Variants in PRDM2 observed in about 807,000 individuals in gnomAD.
PRDM2 encodes the protein PR domain zinc finger protein 2.
Under a neutral mutation model 130.0 loss-of-function variants are expected in PRDM2, and 30 were observed. The ratio of observed to expected loss-of-function variants is 0.23; its 90% CI spans 0.17 to 0.31. The LOEUF (loss-of-function observed/expected upper bound fraction) is 0.31. PRDM2 is among the 10% of genes least tolerant of loss of function. PRDM2 has a pLI of 1.00. For synonymous variants in PRDM2, 871 were observed against 782.4 expected (o/e 1.11, Z -1.89); for missense variants, 2,011 against 2,108.4 (o/e 0.95, Z 0.90).
At position 13,782,508 on chromosome 1, in the gene PRDM2, C is replaced by T. The variant is rs966616836; in HGVS notation, c.4713C>T (p.Ser1571=). ...TGAAATCCAAAAAACCAAGCTCCTC[C>T]TCTTTAAGGAACTCCAGCCCGATAA... ...ASVKSKKPSS[S]SLRNSSPIRM... is the part of the protein sequence containing the mutation. The change falls in exon 8 of 10, where the codon TCC becomes TCT. Residue 1571 remains serine, a synonymous_variant. Coordinates refer to ENST00000311066, the MANE Select transcript of PRDM2 (RefSeq NM_001393986.1). 6.2e-7 allele frequency: 1 copy of T among 1,614,142 alleles called. No individual in the cohort carries two copies. Among genetic ancestry groups the T allele is most frequent in the Non-Finnish European group, 8.5e-7 (1 of 1,180,032 alleles).
intron 1 of PRDM2, among the ~76,000 whole-genome samples, chr1:13,708,837 G>A (rs1286018286): frequency 6.6e-6 from 1 of 152,166 alleles, no homozygotes; most frequent in Non-Finnish European, 1.5e-5. Flanking sequence ...CTCTGGTTCA[G>A]CAGCTTGCCA....
chr1:13,742,256 A>AG, intron 5 of PRDM2, 99 bp downstream of exon 5: 1 of 1,343,682 alleles, frequency 7.4e-7, no homozygotes, highest in East Asian at 2.4e-5. Context: ...GCTGGAGTGC[A>AG]GGGGCTCCAT....
chr1:13,822,845 A>G (rs547364748), intron 9 of PRDM2, among the ~76,000 whole-genome samples: 1 of 152,302 alleles, frequency 6.6e-6, no homozygotes, highest in East Asian at 1.9e-4. Flanking sequence ...AACTTAAAAA[A>G]TGGGTGAAAT....
chr1:13,725,782 A>C (rs1642891906), intron 2 of PRDM2, among the ~76,000 whole-genome samples: 1 of 152,222 alleles, frequency 6.6e-6, no homozygotes, highest in Admixed American at 6.5e-5. Flanking sequence ...TTGTTATAGC[A>C]ATAGCTCTGA....
chr1:13,800,900 T>A (rs1398763806), intron 8 of PRDM2, among the ~76,000 whole-genome samples: 2 of 152,100 alleles, frequency 1.3e-5, no homozygotes, highest in Non-Finnish European at 2.9e-5. Flanking sequence ...CTTCCCCAGC[T>A]ATACGAAGTT....
Position 13,782,036 on chromosome 1 carries a change from C to T in PRDM2, c.4241C>T (p.Ser1414Leu), listed in dbSNP as rs777679265. The T allele has an allele frequency of 1.6e-5, 26 of 1,613,760 alleles. No individual in the cohort carries two copies. In the Admixed American group the frequency reaches 1.8e-4, roughly 11 times the overall value. ...AGTGTTGAGCTCAGCAAAATGTCGT[C>T]GAATAAGCTCAAATTAAATGCATTG... ...NFSVELSKMS[S>L]NKLKLNALKK... Residue 1414 changes from serine (S) to leucine (L), a missense_variant, in exon 8 of 10, where the codon TCG (serine) becomes TTG (leucine). This residue lies in a region of PRDM2 where 410 missense variants were observed against 395.9 expected (regional missense o/e 1.04). Transcript: ENST00000311066.
chr1:13,780,230 G>C lies in PRDM2; in HGVS notation c.2435G>C (p.Ser812Thr), dbSNP rs190186137. Residue 812 changes from serine to threonine, a missense_variant, in exon 8 of 10, where the codon AGT becomes ACT. Around this residue, in one of 5 missense-constraint regions of PRDM2, gnomAD observed 1,288 missense variants for 1,237.7 expected, o/e 1.04. Coordinates refer to ENST00000311066, the MANE Select transcript of PRDM2 (RefSeq NM_001393986.1). ...AAAATGTCTAAAGAGTGGACAGCTA[G>C]TTCTGCTTTTAGCAGTGTGTGCAAC... ...EYKMSKEWTASSAFSSVCNQQ... is the reference protein window; with the variant it reads ...EYKMSKEWTATSAFSSVCNQQ... 2 of 1,610,704 alleles carry C rather than the reference G, an allele frequency of 1.2e-6. No homozygotes were observed. Among genetic ancestry groups the C allele is most frequent in the East Asian group, 2.2e-5 (1 of 44,854 alleles).
At chr1:13,811,528 T>G (rs1205431435) in intron 8 of PRDM2, among the ~76,000 whole-genome samples, 1 of 152,114 alleles carries the variant, frequency 6.6e-6, no homozygotes, top group Non-Finnish European at 1.5e-5. Flanking sequence ...TGAGACCATG[T>G]TTCCTCCACC....
intron 6 of PRDM2, among the ~76,000 whole-genome samples, chr1:13,754,215 C>T (rs895238436): frequency 7.2e-5 from 11 of 152,142 alleles, no homozygotes; most frequent in Non-Finnish European, 1.6e-4. Flanking sequence ...AAACTCAGTT[C>T]TGCAAATGGA....
intron 4 of PRDM2, among the ~76,000 whole-genome samples, chr1:13,735,336 C>A (rs528780455): frequency 1.3e-5 from 2 of 152,152 alleles, no homozygotes; most frequent in African/African-American, 4.8e-5. Context: ...GGCAGGGAGC[C>A]GCTAGCTAGC....
At chr1:13,804,610 G>A (rs2281162) in intron 8 of PRDM2, among the ~76,000 whole-genome samples, 2,305 of 152,250 alleles carry the variant, frequency 0.015, 49 homozygotes, top group South Asian at 0.087. Context: ...AAATGATGCC[G>A]CTGGTCTGGG....
chr1:13,734,426 TAATCTTGAACAA>T (rs1643205323), intron 4 of PRDM2, among the ~76,000 whole-genome samples: 2 of 152,374 alleles, frequency 1.3e-5, no homozygotes, highest in South Asian at 4.1e-4. Flanking sequence ...TTTATAACAC[TAATCTTGAACAA>T]ATGCCATCAA....
chr1:13,704,922 T>G (rs995865947), intron 1 of PRDM2: 2 of 152,228 alleles, frequency 1.3e-5, no homozygotes, highest in African/African-American at 2.4e-5. Context: ...GCTATAATTC[T>G]GAAAGACTTA....
intron 1 of PRDM2, among the ~76,000 whole-genome samples, chr1:13,702,870 G>A (rs974298258): frequency 6.6e-6 from 1 of 152,198 alleles, no homozygotes; most frequent in African/African-American, 2.4e-5. Flanking sequence ...GAGTGGAAGA[G>A]GAGGAGGTTG....
chr1:13,705,371 T>C (rs915083212), intron 1 of PRDM2: 31 of 152,196 alleles, frequency 2.0e-4, no homozygotes, highest in African/African-American at 7.0e-4. Context: ...ATGGCAGTTA[T>C]TGTTGAGAGA....
intron 2 of PRDM2, among the ~76,000 whole-genome samples, chr1:13,729,611 A>G (rs531149835): frequency 1.3e-5 from 2 of 152,228 alleles, no homozygotes; most frequent in Non-Finnish European, 2.9e-5. Flanking sequence ...GTCTATGGTT[A>G]ATTTATTCAC....
At chr1:13,820,135 A>G (rs1173393255) in intron 9 of PRDM2, among the ~76,000 whole-genome samples, 1 of 152,146 alleles carries the variant, frequency 6.6e-6, no homozygotes, top group Non-Finnish European at 1.5e-5. Flanking sequence ...CCCGGGACGG[A>G]TCTTCGACTT....
Position 13,823,537 on chromosome 1 carries a change from C to T in PRDM2, c.*402C>T, listed in dbSNP as rs2697967. On this transcript the variant is annotated 3_prime_UTR_variant, in exon 10 of 10. Coordinates refer to ENST00000311066, the MANE Select transcript of PRDM2 (RefSeq NM_001393986.1). Reference sequence around the variant, plus strand: ...GAGTTGTCTTTTGCCATTATGGGGACTTTGGTTTGACCCAGGGGTCAGCCT... The same window carrying T: ...GAGTTGTCTTTTGCCATTATGGGGATTTTGGTTTGACCCAGGGGTCAGCCT... The T allele has an allele frequency of 0.7, 190,455 of 271,818 alleles. 67,651 individuals carry two copies. The highest frequency in any genetic ancestry group is 0.74 in the Admixed American group (14,489 of 19,476). 16.8% of individuals were successfully genotyped at this position (271,818 alleles called of 1,614,324 possible).
intron 6 of PRDM2, among the ~76,000 whole-genome samples, chr1:13,769,535 C>A (rs2235524): frequency 0.19 from 28,674 of 152,072 alleles, 3,048 homozygotes; most frequent in Admixed American, 0.25. Flanking sequence ...CAGGTGATTT[C>A]AATAGCCCCT....
Sources: gnomAD v4.1 joint callset for allele counts (sites outside exome capture counted in the v4.1 genomes callset) on GRCh38, gnomAD v4.1.1 for gene constraint, gnomAD v4.1.1 regional missense constraint, MANE v1.5 for transcripts, NCBI Gene and HGNC (gene_info 2026-07-23, HGNC 2026-07-21) for gene names.